The following PIP4K2A variants were observed in gnomAD, a reference collection of about 807,000 sequenced individuals.
PIP4K2A encodes the protein phosphatidylinositol-5-phosphate 4-kinase type 2 alpha, also known as phosphatidylinositol 5-phosphate 4-kinase type-2 alpha.
A neutral mutation model predicts 42.9 loss-of-function variants in PIP4K2A; 14 were observed. The observed-to-expected ratio is 0.33, with a 90% confidence interval of 0.22 to 0.51. PIP4K2A has a LOEUF of 0.51. Ranked by LOEUF, PIP4K2A falls within the 20% of genes least tolerant of loss-of-function variation. PIP4K2A has a pLI of 0.97. For missense variants in PIP4K2A, 434 were observed against 519.8 expected (o/e 0.83, Z 1.61); for synonymous variants, 192 against 192.2 (o/e 1.00, Z 0.01).
At chr10:22,621,357 C>G (rs982577547) in intron 1 of PIP4K2A, among the ~76,000 whole-genome samples, 3 of 152,224 alleles carry the variant, frequency 2.0e-5, no homozygotes, top group African/African-American at 7.2e-5. Context: ...TCACACAGCA[C>G]TCTAAGAAAC....
intron 1 of PIP4K2A, among the ~76,000 whole-genome samples, chr10:22,674,327 C>T (rs1839512336): frequency 6.8e-6 from 1 of 147,822 alleles, no homozygotes; most frequent in African/African-American, 2.5e-5. Context: ...CCTCCAAAAA[C>T]ACTCTTTCCG....
chr10:22,689,457 G>A (rs764564049), intron 1 of PIP4K2A, among the ~76,000 whole-genome samples: 8 of 151,844 alleles, frequency 5.3e-5, no homozygotes, highest in African/African-American at 1.7e-4. Flanking sequence ...ACTTTTTTTC[G>A]TGCCATTATT....
intron 6 of PIP4K2A, among the ~76,000 whole-genome samples, chr10:22,557,033 ACACGCGTAAGGCTTT>A (rs1345018674): frequency 1.3e-5 from 2 of 152,148 alleles, no homozygotes; most frequent in Non-Finnish European, 2.9e-5. Context: ...GATAACCAAC[ACACGCGTAAGGCTTT>A]CAGTGTATAA....
chr10:22,587,911 C>A (rs1837435328), intron 4 of PIP4K2A, among the ~76,000 whole-genome samples: 1 of 152,246 alleles, frequency 6.6e-6, no homozygotes, highest in Non-Finnish European at 1.5e-5. Flanking sequence ...ACCTGCCAAC[C>A]TGAGCAGGGT....
chr10:22,696,258 CTG>C (rs911122743), intron 1 of PIP4K2A, among the ~76,000 whole-genome samples: 2 of 152,178 alleles, frequency 1.3e-5, no homozygotes, highest in African/African-American at 4.8e-5. Flanking sequence ...CATAAAAGAA[CTG>C]TGTTTTTGTT....
intron 4 of PIP4K2A, among the ~76,000 whole-genome samples, chr10:22,576,313 C>T (rs1003758631): frequency 7.2e-5 from 11 of 152,272 alleles, no homozygotes; most frequent in Admixed American, 5.2e-4. Flanking sequence ...TAGCACGATG[C>T]GCTGTTGTAG....
intron 1 of PIP4K2A, among the ~76,000 whole-genome samples, chr10:22,623,377 G>A (rs556291939): frequency 5.3e-5 from 8 of 152,282 alleles, no homozygotes; most frequent in East Asian, 1.9e-4. Context: ...CGAAGGAAGC[G>A]TCTAACTCAG....
chr10:22,705,454 AAAAAAAAAG>A (rs1390397479), intron 1 of PIP4K2A, among the ~76,000 whole-genome samples: 24 of 143,382 alleles, frequency 1.7e-4, no homozygotes, highest in South Asian at 8.8e-4. Context: ...AAAAAAAAAA[AAAAAAAAAG>A]GACAGAGAGA....
intron 1 of PIP4K2A, among the ~76,000 whole-genome samples, chr10:22,664,174 T>TATATATACAC (rs1839294961): frequency 2.6e-5 from 2 of 78,288 alleles, no homozygotes; most frequent in Non-Finnish European, 4.3e-5. Context: ...TATACATATA[T>TATATATACAC]ATATATACAT....
At chr10:22,621,035 C>T (rs1032012416) in intron 1 of PIP4K2A, among the ~76,000 whole-genome samples, 1 of 152,180 alleles carries the variant, frequency 6.6e-6, no homozygotes, top group Non-Finnish European at 1.5e-5. Flanking sequence ...GGAAGAGATG[C>T]TAAATGAAGC....
intron 3 of PIP4K2A, among the ~76,000 whole-genome samples, chr10:22,606,495 C>T (rs1023989207): frequency 5.9e-5 from 9 of 152,178 alleles, no homozygotes; most frequent in Non-Finnish European, 1.0e-4. Flanking sequence ...ACAATGTCAC[C>T]GGCAGCCTGG....
intron 4 of PIP4K2A, 32 bp from the exon 5 acceptor site, chr10:22,573,489 C>A (rs752988288): frequency 6.3e-7 from 1 of 1,583,676 alleles, no homozygotes; most frequent in Non-Finnish European, 8.6e-7. Context: ...AGGAAAAAAA[C>A]ATCCAATCAA....
chr10:22,618,324 A>T (rs565980760), intron 1 of PIP4K2A, among the ~76,000 whole-genome samples: 27 of 152,336 alleles, frequency 1.8e-4, no homozygotes, highest in Non-Finnish European at 1.0e-4. Context: ...TCCTTCCACC[A>T]AACAAATGAC....
At chr10:22,554,011 T>G (rs1836474696) in intron 6 of PIP4K2A, among the ~76,000 whole-genome samples, 1 of 151,884 alleles carries the variant, frequency 6.6e-6, no homozygotes, top group Admixed American at 6.6e-5. Flanking sequence ...CGTGGTGGTG[T>G]GTGCCTCTCA....
intron 5 of PIP4K2A, among the ~76,000 whole-genome samples, chr10:22,573,051 A>G (rs1011654715): frequency 6.6e-6 from 1 of 152,150 alleles, no homozygotes; most frequent in Admixed American, 6.5e-5. Flanking sequence ...TGTTCATCCC[A>G]TCACTTCCAG....
At chr10:22,582,705 G>C (rs1444590691) in intron 4 of PIP4K2A, among the ~76,000 whole-genome samples, 3 of 152,004 alleles carry the variant, frequency 2.0e-5, no homozygotes, top group Admixed American at 1.3e-4. Flanking sequence ...AAAGGGAAAG[G>C]AAGGGAAGGA....
chr10:22,616,468 A>T (rs1010824939), intron 1 of PIP4K2A, among the ~76,000 whole-genome samples: 3 of 152,314 alleles, frequency 2.0e-5, no homozygotes, highest in Admixed American at 6.5e-5. Context: ...CCAAGCTATT[A>T]AACAGTAGAG....
chr10:22,605,729 C>T (rs1837891660), intron 3 of PIP4K2A, among the ~76,000 whole-genome samples: 1 of 151,686 alleles, frequency 6.6e-6, no homozygotes, highest in Non-Finnish European at 1.5e-5. Context: ...TAAAACAAAA[C>T]CCAGCCAAAC....
chr10:22,624,139 T>C (rs1010936937), intron 1 of PIP4K2A, among the ~76,000 whole-genome samples: 2 of 152,330 alleles, frequency 1.3e-5, no homozygotes, highest in Admixed American at 6.5e-5. Flanking sequence ...ATGTTTAACA[T>C]TGGGCAGTAC....
Sources: allele counts gnomAD v4.1 joint callset (sites outside exome capture counted in the v4.1 genomes callset), GRCh38; gene constraint gnomAD v4.1.1; transcripts MANE v1.5; gene names NCBI Gene and HGNC (gene_info 2026-07-23, HGNC 2026-07-21).